Variants in SMAD5 observed in about 807,000 individuals in gnomAD.
SMAD5 encodes the protein SMAD family member 5, also known as MAD, mothers against decapentaplegic homolog 5.
A neutral mutation model predicts 43.1 loss-of-function variants in SMAD5; 9 were observed. The observed-to-expected ratio is 0.21, with a 90% CI of 0.13 to 0.36. SMAD5 has a LOEUF of 0.36. Among genes scored for constraint, SMAD5 ranks in the 10% least tolerant of loss-of-function variants. The pLI is 1.00. For missense variants in SMAD5, 348 were observed against 574.0 expected (o/e 0.61, Z 4.02); for synonymous variants, 190 against 192.4 (o/e 0.99, Z 0.10).
rs915095499 is a variant in SMAD5 at position 136,179,729 on chromosome 5, T to G, written c.*2249T>G. The G allele has an allele frequency of 1.3e-5, 2 of 152,228 alleles. No homozygotes were observed. Among genetic ancestry groups the G allele is most frequent in the Non-Finnish European group, 2.9e-5 (2 of 68,032 alleles). The allele number at this position is 152,228 out of a possible 1,614,324, so 9.4% of individuals were successfully genotyped here. The stretch of plus-strand genomic sequence containing the variant: ...TGCCACACGAAAGAGAATATTTGCT[T>G]ACTTGATAGAACTTTGGCATTTTCA... On this transcript the variant is annotated 3_prime_UTR_variant, in exon 8 of 8. Coordinates refer to ENST00000545279, the MANE Select transcript of SMAD5 (RefSeq NM_005903.7).
chr5:136,137,628 A>T (rs922552632), intron 1 of SMAD5, among the ~76,000 whole-genome samples: 1 of 152,170 alleles, frequency 6.6e-6, no homozygotes, highest in African/African-American at 2.4e-5. Flanking sequence ...AGTTCTAGTT[A>T]TTCTGGTTTG....
Position 136,163,404 on chromosome 5 carries a change from C to A in SMAD5, c.775+13C>A. 1 of 1,577,706 alleles carries A rather than the reference C, an allele frequency of 6.3e-7. No homozygotes were observed. The highest frequency in any genetic ancestry group is 1.2e-5 in the South Asian group (1 of 83,206). On this transcript the variant is annotated intron_variant, in intron 5 of 7. Transcript: ENST00000545279. ...ATATCCAGCAGGGGTAAGAGAAGTA[C>A]TCACTTCATTTATTTTATAGTAGTA...
At chr5:136,165,662 ATTTTTTTTTT>A (rs58156387) in intron 5 of SMAD5, among the ~76,000 whole-genome samples, 6,526 of 65,232 alleles carry the variant, frequency 0.1, 719 homozygotes, top group East Asian at 0.26. Context: ...GAATCATACA[ATTTTTTTTTT>A]TTTTTTTTTT....
intron 3 of SMAD5, among the ~76,000 whole-genome samples, chr5:136,159,422 A>T (rs1753756531): frequency 6.6e-6 from 1 of 152,198 alleles, no homozygotes; most frequent in African/African-American, 2.4e-5. Context: ...CTCTAATAGC[A>T]TGTCTTTTTT....
chr5:136,136,490 T>A (rs1752882356), intron 1 of SMAD5, among the ~76,000 whole-genome samples: 1 of 152,236 alleles, frequency 6.6e-6, no homozygotes, highest in African/African-American at 2.4e-5. Context: ...ACATACCCTT[T>A]ACCTCTAATC....
chr5:136,134,081 T>C (rs3764939), intron 1 of SMAD5: 49,186 of 136,558 alleles, frequency 0.36, 10,519 homozygotes, highest in African/African-American at 0.55. Flanking sequence ...GCAATTTTGG[T>C]TGCTTGTGCA....
At chr5:136,172,245 C>T (rs1239228111) in intron 5 of SMAD5, among the ~76,000 whole-genome samples, 189 bp from the exon 6 acceptor site, 1 of 152,180 alleles carries the variant, frequency 6.6e-6, no homozygotes, top group East Asian at 1.9e-4. Context: ...TTTAAATTGT[C>T]ATATTCAAGC....
rs1269202907 is a variant in SMAD5 at position 136,182,043 on chromosome 5, T to A, written c.*4563T>A. ...ATGGTTCTTGTCCAAATAACTCAGT[T>A]CTTAAAATTCTTAAAATGATCGTAA... On this transcript the variant is annotated 3_prime_UTR_variant, in exon 8 of 8. Transcript: ENST00000545279. 1 of 152,182 alleles carries A rather than the reference T, an allele frequency of 6.6e-6. No homozygotes were observed. Among genetic ancestry groups the A allele is most frequent in the Non-Finnish European group, 1.5e-5 (1 of 68,018 alleles). The allele number at this position is 152,182 out of a possible 1,614,324, so 9.4% of individuals were successfully genotyped here. A position where few individuals can be genotyped will look rare whatever the true frequency, so the allele number is the denominator to read the frequency against.
rs1754554079 is a variant in SMAD5 at position 136,179,669 on chromosome 5, C to T, written c.*2189C>T. ...ACCTGAGCCTTAAATGTAAGTATTA[C>T]ATGACATGCATTCTGTTTCTTCCAG... is the stretch of plus-strand genomic sequence containing the variant. On this transcript the variant is annotated 3_prime_UTR_variant, in exon 8 of 8. Coordinates refer to ENST00000545279, the MANE Select transcript of SMAD5 (RefSeq NM_005903.7). 1 of 152,214 alleles carries T rather than the reference C, an allele frequency of 6.6e-6. No individual in the cohort carries two copies. Among genetic ancestry groups the T allele is most frequent in the African/African-American group, 2.4e-5 (1 of 41,460 alleles). The allele number at this position is 152,214 out of a possible 1,614,324, so 9.4% of individuals were successfully genotyped here.
At chr5:136,175,486 G>A (rs563075709) in intron 7 of SMAD5, among the ~76,000 whole-genome samples, 1 of 152,116 alleles carries the variant, frequency 6.6e-6, no homozygotes, top group African/African-American at 2.4e-5. Flanking sequence ...TTAAGGATTT[G>A]CAAAGTTCAA....
chr5:136,170,144 TA>T (rs1035842390), intron 5 of SMAD5, among the ~76,000 whole-genome samples: 3 of 152,052 alleles, frequency 2.0e-5, no homozygotes, highest in African/African-American at 7.2e-5. Flanking sequence ...GAATTGTACC[TA>T]AAAAAAGGCA....
chr5:136,138,670 T>C (rs1401157134), intron 1 of SMAD5, among the ~76,000 whole-genome samples: 2 of 152,048 alleles, frequency 1.3e-5, no homozygotes, highest in East Asian at 3.9e-4. Context: ...TTTTAAAGCT[T>C]TACCCCCACA....
chr5:136,138,205 G>T (rs1260530777), intron 1 of SMAD5, among the ~76,000 whole-genome samples: 1 of 152,180 alleles, frequency 6.6e-6, no homozygotes, highest in Non-Finnish European at 1.5e-5. Flanking sequence ...CAAAAGTCTG[G>T]CTGTGGGAGA....
chr5:136,136,263 C>T (rs779252055), intron 1 of SMAD5, among the ~76,000 whole-genome samples: 57 of 152,262 alleles, frequency 3.7e-4, no homozygotes, highest in Non-Finnish European at 5.9e-4. Context: ...CTGCAACCTC[C>T]GCCTCCCGGG....
At chr5:136,134,497 G>C (rs562587432) in intron 1 of SMAD5, 1 of 152,224 alleles carries the variant, frequency 6.6e-6, no homozygotes, top group Admixed American at 6.5e-5. Context: ...CCTACATTCA[G>C]TGTGACAGTT....
Position 136,180,887 on chromosome 5 carries a change from C to T in SMAD5, c.*3407C>T, listed in dbSNP as rs1399356836. The T allele has an allele frequency of 6.6e-6, 1 of 152,048 alleles. No homozygotes were observed. The highest frequency in any genetic ancestry group is 2.4e-5 in the African/African-American group (1 of 41,408). 9.4% of individuals were successfully genotyped at this position (152,048 alleles called of 1,614,324 possible). A position where few individuals can be genotyped will look rare whatever the true frequency, so the allele number is the denominator to read the frequency against. ...GGATGTGAAGTGATTATTAAGTACT[C>T]ATACCTGAAATCTGTTGTCAAGATT... is the stretch of plus-strand genomic sequence containing the variant. On this transcript the variant is annotated 3_prime_UTR_variant, in exon 8 of 8. Coordinates refer to ENST00000545279, the MANE Select transcript of SMAD5 (RefSeq NM_005903.7).
At chr5:136,175,699 G>GT (rs1181337371) in intron 7 of SMAD5, among the ~76,000 whole-genome samples, 3 of 152,096 alleles carry the variant, frequency 2.0e-5, no homozygotes, top group South Asian at 4.1e-4. Context: ...CTGTGCATGG[G>GT]TTTTTTTCTT....
chr5:136,146,413 A>G (rs557960436), intron 1 of SMAD5, among the ~76,000 whole-genome samples: 57 of 151,872 alleles, frequency 3.8e-4, no homozygotes, highest in African/African-American at 1.3e-3. Flanking sequence ...TAAATTGAAG[A>G]TAGGTGTTCT....
Position 136,160,866 on chromosome 5 carries a change from A to T in SMAD5, c.414A>T (p.Pro138=). The change falls in exon 4 of 8, where the codon CCA becomes CCT. Residue 138 remains proline (P), a synonymous_variant. Transcript: ENST00000545279. ...YKRVESPVLP[P]VLVPRHNEFN... ...ATTTTTGTTTTTCAGTCTTACCTCC[A>T]GTATTAGTGCCTCGTCATAATGAAT... The T allele has an allele frequency of 6.2e-7, 1 of 1,613,698 alleles. No homozygotes were observed. Among genetic ancestry groups the T allele is most frequent in the Non-Finnish European group, 8.5e-7 (1 of 1,179,724 alleles).
Sources: allele counts gnomAD v4.1 joint callset (sites outside exome capture counted in the v4.1 genomes callset), GRCh38; gene constraint gnomAD v4.1.1; transcripts MANE v1.5; gene names NCBI Gene and HGNC (gene_info 2026-07-23, HGNC 2026-07-21).